DNAH5: variants seen among roughly 807,000 people sequenced by gnomAD.
DNAH5 encodes dynein axonemal heavy chain 5.
In DNAH5, 372 loss-of-function variants were observed where a neutral mutation model predicts 518.2. The observed-to-expected ratio is 0.72, with a 90% CI of 0.66 to 0.78. DNAH5 has a LOEUF of 0.78. DNAH5 is among the 30% of genes least tolerant of loss of function. The pLI is 0.00. For synonymous variants in DNAH5, 2,039 were observed against 2,025.9 expected (o/e 1.01, Z -0.17); for missense variants, 5,523 against 5,687.0 (o/e 0.97, Z 0.93).
chr5:13,980,326 A>T (rs573146037), intron 1 of DNAH5, among the ~76,000 whole-genome samples: 1 of 152,102 alleles, frequency 6.6e-6, no homozygotes, highest in African/African-American at 2.4e-5. Flanking sequence ...GTGAACCTCC[A>T]ATTTCTTATC....
chr5:13,775,515 CAGAT>C (rs201730245), intron 55 of DNAH5, among the ~76,000 whole-genome samples: 298 of 151,796 alleles, frequency 2.0e-3, no homozygotes, highest in East Asian at 0.012. Flanking sequence ...GAGAGAAATA[CAGAT>C]AGATAGATAG....
chr5:13,856,597 C>T (rs1160927009), intron 30 of DNAH5, among the ~76,000 whole-genome samples: 1 of 152,142 alleles, frequency 6.6e-6, no homozygotes. Context: ...CTCTTATGAA[C>T]ATCAATGCAA....
At chr5:13,890,027 G>A (rs1485667234) in intron 17 of DNAH5, among the ~76,000 whole-genome samples, 1 of 152,198 alleles carries the variant, frequency 6.6e-6, no homozygotes, top group Non-Finnish European at 1.5e-5. Context: ...GCACTTCATG[G>A]AGCACTGCTC....
chr5:13,998,236 G>A (rs187235820), intron 1 of DNAH5, among the ~76,000 whole-genome samples: 1 of 152,268 alleles, frequency 6.6e-6, no homozygotes, highest in African/African-American at 2.4e-5. Context: ...TCCATCCATG[G>A]CACCTTGTTG....
chr5:13,692,977 ACT>A (rs1168370828), intron 78 of DNAH5, among the ~76,000 whole-genome samples: 1 of 151,400 alleles, frequency 6.6e-6, no homozygotes, highest in Non-Finnish European at 1.5e-5. Flanking sequence ...TTGGAAGGAG[ACT>A]CTGCCTGTGA....
At chr5:13,734,801 C>T (rs1392462534) in intron 68 of DNAH5, among the ~76,000 whole-genome samples, 1 of 152,156 alleles carries the variant, frequency 6.6e-6, no homozygotes, top group Non-Finnish European at 1.5e-5. Context: ...TCTCATCCTG[C>T]TCTGTTTTCC....
At chr5:13,742,745 T>C (rs896600508) in intron 65 of DNAH5, among the ~76,000 whole-genome samples, 4 of 152,032 alleles carry the variant, frequency 2.6e-5, no homozygotes, top group African/African-American at 7.2e-5. Context: ...AGGATTAAAA[T>C]AAATCTAAGT....
rs1218200067 is a variant in DNAH5 at position 13,769,514 on chromosome 5, T to C, written c.9707A>G (p.Asp3236Gly). The change falls in exon 57 of 79, where the codon GAT (aspartate) becomes GGT (glycine). Residue 3236 changes from aspartate (D) to glycine (G), a missense_variant. By Grantham distance (94) the Asp-to-Gly change is moderately conservative. Transcript: ENST00000265104. Reference sequence around the variant, plus strand: ...ATGCCCACCCACCATGTCGGCTTTATCGTTGGCCACTTGTAGCTCCTTTTC... The same window carrying C: ...ATGCCCACCCACCATGTCGGCTTTACCGTTGGCCACTTGTAGCTCCTTTTC... Reference protein sequence around the residue: ...AKEKELQVANDKADMVLKEVT... With the variant: ...AKEKELQVANGKADMVLKEVT... The C allele has an allele frequency of 1.9e-6, 3 of 1,613,934 alleles. No homozygotes were observed. Among genetic ancestry groups the C allele is most frequent in the Non-Finnish European group, 2.5e-6 (3 of 1,179,904 alleles).
intron 60 of DNAH5, among the ~76,000 whole-genome samples, chr5:13,759,995 G>A (rs188712423): frequency 6.8e-4 from 103 of 152,246 alleles, no homozygotes; most frequent in Middle Eastern, 3.4e-3. Flanking sequence ...ATCCAGTGAT[G>A]GGCAAAAGCA....
chr5:13,692,212 T>C, intron 78 of DNAH5, 77 bp from the exon 79 acceptor site: 1 of 1,518,264 alleles, frequency 6.6e-7, no homozygotes, highest in Non-Finnish European at 9.1e-7. Flanking sequence ...GCCATGCTTC[T>C]GCATTCTGTA....
rs181803912 is a variant in DNAH5 at position 13,927,853 on chromosome 5, A to C, written c.277+241T>G. 1.7e-3 allele frequency among the ~76,000 whole-genome samples: 256 copies of C among 152,314 alleles called. 3 individuals are homozygous for C. Among genetic ancestry groups the C allele is most frequent in the African/African-American group, 5.8e-3 (241 of 41,566 alleles). The stretch of plus-strand genomic sequence containing the variant: ...AAGGAATATGAGACAACTCCAATAA[A>C]GTTAGAACAACCAGGCTAAATACCA... On this transcript the variant is annotated intron_variant, in intron 3 of 78. Transcript: ENST00000265104.
chr5:13,876,779 C>G lies in DNAH5; in HGVS notation c.3301G>C (p.Val1101Leu), dbSNP rs61747516. The G allele has an allele frequency of 1.9e-6, 3 of 1,613,516 alleles. No individual in the cohort carries two copies. Among genetic ancestry groups the G allele is most frequent in the Non-Finnish European group, 2.5e-6 (3 of 1,179,782 alleles). Residue 1101 changes from valine to leucine, a missense_variant, in exon 22 of 79, where the codon GTG becomes CTG. Physicochemically the swap from Val to Leu is conservative, Grantham distance 32. Around this residue, in one of 3 missense-constraint regions of DNAH5, gnomAD observed 5,121 missense variants for 5,223.3 expected, o/e 0.98. Transcript: ENST00000265104. ...TTCTTATAATAGTTCTTGGTTTGCA[C>G]GGGAATGGGTAAATTTACAGATGCT... ...EIASVNLPIP[V>L]QTKNYYKNVS...
intron 30 of DNAH5, among the ~76,000 whole-genome samples, chr5:13,858,352 A>G (rs1178914356): frequency 6.6e-6 from 1 of 152,108 alleles, no homozygotes; most frequent in Admixed American, 6.6e-5. Flanking sequence ...CTCACTCATA[A>G]GTGGGAGTTG....
chr5:13,699,296 G>C lies in DNAH5; in HGVS notation c.13723+1344C>G, dbSNP rs6554803. On this transcript the variant is annotated intron_variant, in intron 78 of 78. Transcript: ENST00000265104. ...TGTATTTTCATTATTTACTTACTAC[G>C]GGTCTCCTTCACTAGACTGTGAGTC... Among the ~76,000 whole-genome samples, 401 of 152,072 alleles carry C rather than the reference G, an allele frequency of 2.6e-3. 2 individuals are homozygous for C. Among genetic ancestry groups the C allele is most frequent in the Non-Finnish European group, 4.7e-3 (319 of 68,008 alleles).
chr5:13,964,079 T>C (rs545374179), intron 1 of DNAH5, among the ~76,000 whole-genome samples: 4 of 152,354 alleles, frequency 2.6e-5, no homozygotes, highest in South Asian at 4.1e-4. Context: ...CTGTCCACAG[T>C]AGTCTGATAG....
chr5:13,736,054 C>T (rs1747363678), intron 66 of DNAH5, 122 bp from the exon 67 acceptor site: 3 of 748,700 alleles, frequency 4.0e-6, no homozygotes, highest in East Asian at 5.3e-5. Flanking sequence ...TGGCTGCCTA[C>T]CAGATACGGG....
chr5:13,921,504 C>T, intron 5 of DNAH5, among the ~76,000 whole-genome samples: 1 of 151,044 alleles, frequency 6.6e-6, no homozygotes, highest in East Asian at 1.9e-4. Context: ...CACACACACA[C>T]ACACACACAC....
At chr5:13,767,621 T>C (rs1489153947) in intron 58 of DNAH5, among the ~76,000 whole-genome samples, 1 of 152,212 alleles carries the variant, frequency 6.6e-6, no homozygotes, top group Non-Finnish European at 1.5e-5. Flanking sequence ...ATGTAAGGGC[T>C]AGGCATGCTT....
chr5:13,957,714 T>A (rs576436910), intron 1 of DNAH5, among the ~76,000 whole-genome samples: 1 of 152,012 alleles, frequency 6.6e-6, no homozygotes, highest in African/African-American at 2.4e-5. Flanking sequence ...CATAGTGAAC[T>A]CTTTGAGTTG....
Sources: allele counts gnomAD v4.1 joint callset (sites outside exome capture counted in the v4.1 genomes callset), GRCh38; gene constraint gnomAD v4.1.1; regional missense constraint gnomAD v4.1.1; transcripts MANE v1.5; gene names NCBI Gene and HGNC (gene_info 2026-07-23, HGNC 2026-07-21).